The following ARHGAP17 variants were observed in gnomAD, a reference collection of about 807,000 sequenced individuals.
ARHGAP17 encodes rho GTPase-activating protein 17.
Under a neutral mutation model 99.5 loss-of-function variants are expected in ARHGAP17, and 57 were observed. The observed-to-expected ratio is 0.57, with a 90% CI of 0.46 to 0.71. The LOEUF (loss-of-function observed/expected upper bound fraction) is 0.71, where lower values mean the gene tolerates loss of function less well. ARHGAP17 is among the 30% of genes least tolerant of loss of function. ARHGAP17 has a pLI of 0.00. For missense variants in ARHGAP17, 1,000 were observed against 1,122.4 expected (o/e 0.89, Z 1.56); for synonymous variants, 417 against 429.6 (o/e 0.97, Z 0.36).
chr16:24,929,457 G>A (rs776921173), intron 19 of ARHGAP17: 21 of 306,864 alleles, frequency 6.8e-5, no homozygotes, highest in Non-Finnish European at 9.5e-5. Context: ...ATGTCAATAT[G>A]CTACAGAATG....
intron 7 of ARHGAP17, among the ~76,000 whole-genome samples, chr16:24,960,883 T>C (rs2051973058): frequency 6.6e-6 from 1 of 152,042 alleles, no homozygotes; most frequent in African/African-American, 2.4e-5. Flanking sequence ...TTTTTATTTA[T>C]TTTTTTGAGA....
At chr16:24,928,765 G>C (rs1174863941) in intron 19 of ARHGAP17, among the ~76,000 whole-genome samples, 1 of 152,172 alleles carries the variant, frequency 6.6e-6, no homozygotes, top group Admixed American at 6.5e-5. Flanking sequence ...GCCTTATGCT[G>C]TCCACATGTA....
Position 24,979,002 on chromosome 16 carries a change from A to C in ARHGAP17, c.57T>G (p.Ala19=). Residue 19 remains alanine (A), a synonymous_variant, in exon 2 of 20, where the codon GCT becomes GCG. Transcript: ENST00000289968. ...CTTCACTAAGGACTTCTGTTTTCTC[A>C]GCTCTGTGGGAAAAATTAAAAATTC... ...KQLANQTVGR[A]EKTEVLSEDL... 1.3e-6 allele frequency: 2 copies of C among 1,586,042 alleles called. No individual in the cohort carries two copies. The highest frequency in any genetic ancestry group is 1.9e-5 in the Admixed American group (1 of 52,946).
intron 1 of ARHGAP17, among the ~76,000 whole-genome samples, chr16:25,014,900 T>C (rs1243421060): frequency 6.6e-6 from 1 of 152,078 alleles, no homozygotes; most frequent in East Asian, 1.9e-4. Flanking sequence ...GGACCGGGTC[T>C]ACTCCCCGAG....
intron 19 of ARHGAP17, among the ~76,000 whole-genome samples, chr16:24,923,918 A>AT (rs1374073978): frequency 6.6e-6 from 1 of 152,110 alleles, no homozygotes; most frequent in Admixed American, 6.6e-5. Flanking sequence ...GTGGAATGTT[A>AT]TCACTGAGGG....
intron 1 of ARHGAP17, chr16:25,014,020 G>T (rs895203808): frequency 2.0e-5 from 3 of 152,124 alleles, no homozygotes; most frequent in African/African-American, 7.2e-5. Flanking sequence ...CTGAAAATAA[G>T]AGTTAATTCT....
chr16:24,974,797 TCA>T (rs1567243104), intron 3 of ARHGAP17, among the ~76,000 whole-genome samples: 3 of 152,110 alleles, frequency 2.0e-5, no homozygotes, highest in African/African-American at 7.2e-5. Context: ...TTTAAAATAT[TCA>T]CAGAGAGAAA....
chr16:25,015,200 C>A lies in ARHGAP17; in HGVS notation c.53+9G>T. 7.6e-7 allele frequency: 1 copy of A among 1,319,462 alleles called. No homozygotes were observed. The highest frequency in any genetic ancestry group is 9.7e-7 in the Non-Finnish European group (1 of 1,027,516). 81.7% of individuals were successfully genotyped at this position (1,319,462 alleles called of 1,614,324 possible). On this transcript the variant is annotated intron_variant, in intron 1 of 19. Transcript: ENST00000289968. ...CCGGTGCGACCCCCGTGCTGCCCGG[C>A]GCACTCGCCTGCCCACGGTCTGGTT...
Position 24,984,609 on chromosome 16 carries a change from T to C in ARHGAP17, c.54-5604A>G, listed in dbSNP as rs577722781. ...AGGCGGAGTTTGCAGTGAGCTGAGA[T>C]TGAAATTGCGCCACTGCACTCCAGC... is the stretch of plus-strand genomic sequence containing the variant. On this transcript the variant is annotated intron_variant, in intron 1 of 19. Transcript: ENST00000289968. Among the ~76,000 whole-genome samples the C allele has an allele frequency of 5.8e-4, 88 of 151,854 alleles. 2 individuals are homozygous for C. The South Asian group carries it at 0.018, about 31-fold the overall frequency.
chr16:24,987,064 A>G lies in ARHGAP17; in HGVS notation c.54-8059T>C, dbSNP rs1200788463. On this transcript the variant is annotated intron_variant, in intron 1 of 19. Coordinates refer to ENST00000289968, the MANE Select transcript of ARHGAP17 (RefSeq NM_001006634.3). ...TCTACTGATAAACATATTTCGGGAC[A>G]AGACCTAAATAAACACAGTTCTCTA... Among the ~76,000 whole-genome samples, 4 of 152,250 alleles carry G rather than the reference A, an allele frequency of 2.6e-5. 1 individual carries two copies. The highest frequency in any genetic ancestry group is 2.0e-4 in the Admixed American group (3 of 15,288).
chr16:25,000,330 G>A (rs1379442289), intron 1 of ARHGAP17, among the ~76,000 whole-genome samples: 2 of 152,124 alleles, frequency 1.3e-5, no homozygotes, highest in African/African-American at 4.8e-5. Flanking sequence ...TTGGACACAG[G>A]CAGAACAACA....
rs139737009 is a variant in ARHGAP17 at position 24,982,409 on chromosome 16, A to C, written c.54-3404T>G. 7.9e-5 allele frequency among the ~76,000 whole-genome samples: 12 copies of C among 152,322 alleles called. No individual in the cohort carries two copies. In the South Asian group the frequency reaches 1.9e-3, roughly 24 times the overall value. On this transcript the variant is annotated intron_variant, in intron 1 of 19. Transcript: ENST00000289968. The stretch of plus-strand genomic sequence containing the variant: ...ACAGAGCAAGACTCTGTCTCAAAAA[A>C]ACAAAAAAAAAATGTGTAGAAAAAA...
intron 18 of ARHGAP17, 130 bp from the exon 19 acceptor site, chr16:24,931,534 T>A: frequency 1.1e-6 from 1 of 893,778 alleles, no homozygotes; most frequent in Non-Finnish European, 1.6e-6. Context: ...TGAGAGGTGG[T>A]CAGGAGGGCA....
intron 19 of ARHGAP17, among the ~76,000 whole-genome samples, chr16:24,927,214 T>A (rs2050866016): frequency 1.3e-5 from 2 of 152,194 alleles, no homozygotes. Flanking sequence ...GAGCTTGCAG[T>A]GAGCCGAGAT....
At chr16:24,932,472 C>T (rs2051021032) in intron 18 of ARHGAP17, among the ~76,000 whole-genome samples, 1 of 152,004 alleles carries the variant, frequency 6.6e-6, no homozygotes, top group Non-Finnish European at 1.5e-5. Context: ...CAGAAAGAGG[C>T]AGAACAGCCA....
At chr16:24,953,721 G>C (rs1314366144) in intron 10 of ARHGAP17, among the ~76,000 whole-genome samples, 1 of 152,150 alleles carries the variant, frequency 6.6e-6, no homozygotes, top group Non-Finnish European at 1.5e-5. Context: ...TTACAGCAGT[G>C]TGAGAATGGA....
intron 16 of ARHGAP17, among the ~76,000 whole-genome samples, chr16:24,940,804 G>T (rs1019017764): frequency 1.3e-5 from 2 of 152,158 alleles, no homozygotes; most frequent in Non-Finnish European, 2.9e-5. Flanking sequence ...CACTTAAGGC[G>T]ACTGATCTAT....
chr16:24,976,626 G>A (rs145865526), intron 3 of ARHGAP17, among the ~76,000 whole-genome samples: 19 of 152,126 alleles, frequency 1.2e-4, no homozygotes, highest in African/African-American at 4.6e-4. Flanking sequence ...AGAGGCGAGA[G>A]GGGAGGGGAG....
At chr16:25,002,878 A>C (rs1214736763) in intron 1 of ARHGAP17, among the ~76,000 whole-genome samples, 1 of 152,002 alleles carries the variant, frequency 6.6e-6, no homozygotes, top group African/African-American at 2.4e-5. Context: ...CTCTCTACTA[A>C]AAATACAAAA....
Sources: gnomAD v4.1 joint callset for allele counts (sites outside exome capture counted in the v4.1 genomes callset) on GRCh38, gnomAD v4.1.1 for gene constraint, MANE v1.5 for transcripts, NCBI Gene and HGNC (gene_info 2026-07-23, HGNC 2026-07-21) for gene names.